Variants in BSCL2 observed in about 807,000 individuals in gnomAD.
BSCL2 encodes the protein BSCL2 lipid droplet biogenesis associated, seipin.
Under a neutral mutation model 57.4 loss-of-function variants are expected in BSCL2, and 41 were observed. That is an observed-to-expected ratio of 0.71 (90% CI 0.56 to 0.93). The LOEUF (loss-of-function observed/expected upper bound fraction) is 0.93, where lower values mean the gene tolerates loss of function less well. Among genes scored for constraint, BSCL2 ranks in the 40% least tolerant of loss-of-function variants. BSCL2 has a pLI of 0.00. For synonymous variants in BSCL2, 237 were observed against 227.3 expected (o/e 1.04, Z -0.38); for missense variants, 539 against 586.7 (o/e 0.92, Z 0.84).
Position 62,707,158 on chromosome 11 carries a change from C to G in BSCL2, c.38G>C (p.Gly13Ala). 3 of 1,554,496 alleles carry G rather than the reference C, an allele frequency of 1.9e-6. No individual in the cohort carries two copies. The highest frequency in any genetic ancestry group is 2.6e-6 in the Non-Finnish European group (3 of 1,147,812). ...CTGGTCTCCGCACACCTCTTTTTCC[C>G]CAGCTTCCTCCTTTTGGTCTACCTT... is the stretch of plus-strand genomic sequence containing the variant. The part of the protein sequence containing the change: ...TEKVDQKEEA[G>A]EKEVCGDQIK... The change falls in exon 1 of 11, where the codon GGG (glycine) becomes GCG (alanine). Residue 13 changes from glycine (G) to alanine (A), a missense_variant. Coordinates refer to ENST00000360796, the MANE Select transcript of BSCL2 (RefSeq NM_001122955.4).
upstream of BSCL2, chr11:62,709,121 G>T: frequency 2.1e-6 from 1 of 481,352 alleles, no homozygotes; most frequent in Non-Finnish European, 4.1e-6. Flanking sequence ...GAGAGGGATG[G>T]GCCAGGTTCT....
At chr11:62,694,486 T>C in intron 4 of BSCL2, 82 bp downstream of exon 4, 1 of 1,602,136 alleles carries the variant, frequency 6.2e-7, no homozygotes, top group Non-Finnish European at 8.5e-7. Flanking sequence ...ATTATAGGCC[T>C]GAGCCACCAC....
At chr11:62,708,555 G>T, upstream of BSCL2, 1 of 1,406,478 alleles carries the variant, frequency 7.1e-7, no homozygotes, top group Non-Finnish European at 9.8e-7. Flanking sequence ...CTCTGGGGGG[G>T]ATGAGGGAGA....
upstream of BSCL2, chr11:62,708,478 TTC>T: frequency 8.0e-7 from 1 of 1,243,152 alleles, no homozygotes; most frequent in South Asian, 1.2e-5. Context: ...AAGAGATGCG[TTC>T]TTTCCTTCAC....
intron 4 of BSCL2, among the ~76,000 whole-genome samples, chr11:62,694,195 CTTTTTT>C (rs71056545): frequency 1.9e-4 from 9 of 47,132 alleles, no homozygotes; most frequent in Non-Finnish European, 2.6e-4. Context: ...CCCAGACATT[CTTTTTT>C]TTTTTTTTTT....
Position 62,701,957 on chromosome 11 carries a change from C to T in BSCL2, c.486+511G>A, listed in dbSNP as rs546829984. Among the ~76,000 whole-genome samples, 25 of 152,132 alleles carry T rather than the reference C, an allele frequency of 1.6e-4. No individual in the cohort carries two copies. The South Asian group carries it at 3.5e-3, about 21-fold the overall frequency. On this transcript the variant is annotated intron_variant, in intron 3 of 10. Transcript: ENST00000360796. The stretch of plus-strand genomic sequence containing the variant: ...TTGAAAAATTCTTAAGTTGAATTAC[C>T]GTAAGTCAGGGACTATGTTGAGAAA...
At chr11:62,702,673 C>T in intron 2 of BSCL2, 124 bp from the exon 3 acceptor site, 1 of 745,170 alleles carries the variant, frequency 1.3e-6, no homozygotes, top group Non-Finnish European at 2.4e-6. Context: ...ACCCTTCTCT[C>T]TGTTACAAAG....
chr11:62,696,980 A>G (rs1382549196), intron 3 of BSCL2, among the ~76,000 whole-genome samples: 1 of 151,116 alleles, frequency 6.6e-6, no homozygotes, highest in Non-Finnish European at 1.5e-5. Context: ...TGAGGCTACA[A>G]TGAGCTATGA....
At chr11:62,696,835 G>A (rs1035368422) in intron 3 of BSCL2, among the ~76,000 whole-genome samples, 6 of 152,050 alleles carry the variant, frequency 3.9e-5, no homozygotes, top group Admixed American at 2.6e-4. Flanking sequence ...GATTATAGGT[G>A]TGAGCCACTG....
chr11:62,690,576 G>A (rs780284832), intron 10 of BSCL2, 36 bp downstream of exon 10: 3 of 1,613,986 alleles, frequency 1.9e-6, no homozygotes, highest in East Asian at 4.5e-5. Flanking sequence ...ATTAACCGGG[G>A]GCCCCACCCA....
chr11:62,690,718 G>T (rs1392647771), intron 9 of BSCL2, 26 bp from the exon 10 acceptor site: 7 of 1,613,816 alleles, frequency 4.3e-6, no homozygotes, highest in Middle Eastern at 1.6e-4. Context: ...GAATGCAGGG[G>T]TCAGACCCAG....
chr11:62,701,231 A>G (rs952864926), intron 3 of BSCL2, among the ~76,000 whole-genome samples: 1 of 152,186 alleles, frequency 6.6e-6, no homozygotes, highest in East Asian at 1.9e-4. Flanking sequence ...AACATTGCTT[A>G]CTTCACCTAG....
intron 4 of BSCL2, among the ~76,000 whole-genome samples, chr11:62,693,740 T>C (rs1945372441): frequency 6.6e-6 from 1 of 152,132 alleles, no homozygotes; most frequent in African/African-American, 2.4e-5. Flanking sequence ...TCTTCACACT[T>C]AATCCCAAAG....
At chr11:62,696,302 G>GTGTGTGTGTGTA (rs1192956038) in intron 3 of BSCL2, among the ~76,000 whole-genome samples, 1 of 151,462 alleles carries the variant, frequency 6.6e-6, no homozygotes, top group Non-Finnish European at 1.5e-5. Flanking sequence ...GTGTGTGTGT[G>GTGTGTGTGTGTA]TGTGTGTGTG....
chr11:62,707,724 G>T, upstream of BSCL2: 1 of 320,816 alleles, frequency 3.1e-6, no homozygotes, highest in Non-Finnish European at 6.0e-6. Context: ...GACAGTGCTT[G>T]AGCTGCAGAA....
chr11:62,697,051 T>A (rs546999023), intron 3 of BSCL2, among the ~76,000 whole-genome samples: 7 of 150,910 alleles, frequency 4.6e-5, no homozygotes, highest in African/African-American at 1.7e-4. Context: ...AAAAAAAAAA[T>A]TAATCTCCTC....
intron 3 of BSCL2, among the ~76,000 whole-genome samples, chr11:62,695,292 A>G (rs987842820): frequency 7.2e-5 from 11 of 151,938 alleles, no homozygotes; most frequent in African/African-American, 1.7e-4. Flanking sequence ...TCCTATTTCT[A>G]TATTCTTCTA....
In BSCL2 at chr11:62,692,363, G is replaced by C; in HGVS notation, c.863+13C>G. Reference sequence around the variant, plus strand: ...GAAGAGTTGCCCAAGGTTCACTCCAGTTGGCCCCTCACCTGAGCCCAGTGA... The same window carrying C: ...GAAGAGTTGCCCAAGGTTCACTCCACTTGGCCCCTCACCTGAGCCCAGTGA... On this transcript the variant is annotated intron_variant, in intron 6 of 10. Coordinates refer to ENST00000360796, the MANE Select transcript of BSCL2 (RefSeq NM_001122955.4). The C allele has an allele frequency of 1.2e-6, 2 of 1,613,768 alleles. No individual in the cohort carries two copies. Among genetic ancestry groups the C allele is most frequent in the East Asian group, 4.5e-5 (2 of 44,864 alleles).
In BSCL2 at chr11:62,707,235, A is replaced by G; in HGVS notation, c.-40T>C. 6.6e-7 allele frequency: 1 copy of G among 1,526,460 alleles called. No individual in the cohort carries two copies. Among genetic ancestry groups the G allele is most frequent in the Non-Finnish European group, 8.9e-7 (1 of 1,123,684 alleles). 94.6% of individuals were successfully genotyped at this position (1,526,460 alleles called of 1,614,324 possible). A position where few individuals can be genotyped will look rare whatever the true frequency, so the allele number is the denominator to read the frequency against. On this transcript the variant is annotated 5_prime_UTR_variant, in exon 1 of 11. Transcript: ENST00000360796. ...TCTGTTGACTCTGGATCTTCCACTG[A>G]GTCACTTGTGGCTAAAACGTGAAGT...
Sources: gnomAD v4.1 joint callset for allele counts (sites outside exome capture counted in the v4.1 genomes callset) on GRCh38, gnomAD v4.1.1 for gene constraint, MANE v1.5 for transcripts, NCBI Gene and HGNC (gene_info 2026-07-23, HGNC 2026-07-21) for gene names.